The following KLHL7 variants were observed in gnomAD, a reference collection of about 807,000 sequenced individuals.
KLHL7 encodes kelch-like protein 7.
A neutral mutation model predicts 67.4 loss-of-function variants in KLHL7; 44 were observed. That is an observed-to-expected ratio of 0.65 (90% CI 0.51 to 0.84). The LOEUF is 0.84. KLHL7 is among the 40% of genes least tolerant of loss of function. KLHL7 has a pLI of 0.00. For missense variants in KLHL7, 362 were observed against 718.1 expected (o/e 0.50, Z 5.67); for synonymous variants, 252 against 243.3 (o/e 1.04, Z -0.33).
intron 7 of KLHL7, among the ~76,000 whole-genome samples, chr7:23,164,990 C>T (rs184194512): frequency 6.3e-4 from 96 of 152,306 alleles, no homozygotes; most frequent in African/African-American, 2.2e-3. Flanking sequence ...CATGGAAGGG[C>T]GGCACAAGCA....
intron 4 of KLHL7, among the ~76,000 whole-genome samples, chr7:23,138,609 C>T (rs577845832): frequency 1.3e-5 from 2 of 152,064 alleles, no homozygotes; most frequent in African/African-American, 4.8e-5. Flanking sequence ...CCAATCTCAG[C>T]TCACTGCAAC....
intron 7 of KLHL7, among the ~76,000 whole-genome samples, chr7:23,156,716 G>T (rs961491298): frequency 2.0e-5 from 3 of 152,178 alleles, no homozygotes; most frequent in Non-Finnish European, 4.4e-5. Flanking sequence ...AAACTATGTG[G>T]CACCCTATTC....
chr7:23,142,227 C>G (rs1283992450), intron 5 of KLHL7, among the ~76,000 whole-genome samples: 4 of 152,188 alleles, frequency 2.6e-5, no homozygotes, highest in Non-Finnish European at 5.9e-5. Flanking sequence ...CTCACTTAAT[C>G]TCTCTTTTCA....
At chr7:23,117,501 A>G (rs1783142932) in intron 1 of KLHL7, among the ~76,000 whole-genome samples, 1 of 152,182 alleles carries the variant, frequency 6.6e-6, no homozygotes, top group Non-Finnish European at 1.5e-5. Context: ...AAGGGCAATT[A>G]TGCCCAAGTC....
At chr7:23,139,189 T>G (rs1483019020) in intron 4 of KLHL7, among the ~76,000 whole-genome samples, 1 of 152,038 alleles carries the variant, frequency 6.6e-6, no homozygotes, top group Admixed American at 6.5e-5. Context: ...CTCTGTAATG[T>G]TTCTTCAGTT....
In KLHL7 at chr7:23,175,522, A is replaced by G. The variant is rs923777952; in HGVS notation, c.*1224A>G. ...TTTCAGTTTTCTTTATATAGAGGTT[A>G]TAATAGTCTTAAACCCTAAAAATGT... On this transcript the variant is annotated 3_prime_UTR_variant, in exon 11 of 11. Transcript: ENST00000339077. 3.7e-5 allele frequency: 13 copies of G among 349,698 alleles called. No homozygotes were observed. The Admixed American group carries it at 5.4e-4, about 14-fold the overall frequency. The allele number at this position is 349,698 out of a possible 1,614,324, so 21.7% of individuals were successfully genotyped here.
At chr7:23,117,691 A>G in intron 1 of KLHL7, 2 of 781,550 alleles carry the variant, frequency 2.6e-6, no homozygotes, top group South Asian at 3.8e-5. Context: ...TGCTTTTCTG[A>G]CAAATGTGAT....
intron 9 of KLHL7, chr7:23,171,214 G>C: frequency 3.1e-6 from 1 of 319,400 alleles, no homozygotes; most frequent in South Asian, 2.5e-5. Context: ...TTAAACTTCA[G>C]ATTGCAGATA....
intron 1 of KLHL7, chr7:23,106,570 A>T: frequency 1.9e-6 from 2 of 1,047,266 alleles, no homozygotes; most frequent in Non-Finnish European, 2.3e-6. Context: ...TGCTGGCCTG[A>T]CATCAGCTGC....
chr7:23,128,848 G>A (rs1783686347), intron 4 of KLHL7, among the ~76,000 whole-genome samples: 1 of 152,132 alleles, frequency 6.6e-6, no homozygotes, highest in Non-Finnish European at 1.5e-5. Context: ...ACCAAAGGTG[G>A]CCCTTTGTGT....
rs1328704821 is a variant in KLHL7 at position 23,106,298 on chromosome 7, A to G, written c.120+152A>G. On this transcript the variant is annotated intron_variant, in intron 1 of 10. Coordinates refer to ENST00000339077, the MANE Select transcript of KLHL7 (RefSeq NM_001031710.3). ...CGTTTTCGCAGGCGAGCGATTCCGC[A>G]GTTGGTAGAGGGGCGCGTAAAACAA... 8 of 1,512,616 alleles carry G rather than the reference A, an allele frequency of 5.3e-6. No individual in the cohort carries two copies. The East Asian group carries it at 2.0e-4, about 38-fold the overall frequency. The allele number at this position is 1,512,616 out of a possible 1,614,324, so 93.7% of individuals were successfully genotyped here. A position where few individuals can be genotyped will look rare whatever the true frequency, so the allele number is the denominator to read the frequency against.
rs138530777 is a variant in KLHL7, at chr7:23,170,071, G to A, written c.1379+2034G>A. 8.8e-3 allele frequency among the ~76,000 whole-genome samples: 1,332 copies of A among 152,094 alleles called. 4 individuals are homozygous for A. Among genetic ancestry groups the A allele is most frequent in the Non-Finnish European group, 0.015 (1,034 of 67,972 alleles). On this transcript the variant is annotated intron_variant, in intron 9 of 10. Coordinates refer to ENST00000339077, the MANE Select transcript of KLHL7 (RefSeq NM_001031710.3). ...CTAAAAATACCAAAAAAAATTAGCC[G>A]GGCGTGGTGGCGCGTGCCTGTAATC...
At chr7:23,125,830 T>C in intron 4 of KLHL7, 2 of 1,550,530 alleles carry the variant, frequency 1.3e-6, no homozygotes, top group East Asian at 4.9e-5. Flanking sequence ...TGATCCTTAG[T>C]GGCACATGAA....
At chr7:23,116,628 C>A (rs1379850169) in intron 1 of KLHL7, among the ~76,000 whole-genome samples, 1 of 152,182 alleles carries the variant, frequency 6.6e-6, no homozygotes, top group Non-Finnish European at 1.5e-5. Context: ...TCCTCTAATG[C>A]CTTTCCTACA....
intron 4 of KLHL7, among the ~76,000 whole-genome samples, chr7:23,136,553 CAG>C (rs1783982505): frequency 6.6e-6 from 1 of 152,138 alleles, no homozygotes; most frequent in Non-Finnish European, 1.5e-5. Context: ...TCAGAGAACA[CAG>C]ATTGTTTTCA....
intron 5 of KLHL7, among the ~76,000 whole-genome samples, chr7:23,142,908 AATTT>A (rs1159578892): frequency 6.6e-6 from 1 of 152,204 alleles, no homozygotes; most frequent in African/African-American, 2.4e-5. Flanking sequence ...AAAAATATGA[AATTT>A]AGTTAATGTG....
At chr7:23,173,340 A>G (rs1785220096) in intron 10 of KLHL7, among the ~76,000 whole-genome samples, 1 of 152,220 alleles carries the variant, frequency 6.6e-6, no homozygotes, top group Non-Finnish European at 1.5e-5. Flanking sequence ...CTATTGAGCA[A>G]TAGAAATATT....
chr7:23,151,827 G>T (rs2128466845), intron 6 of KLHL7, among the ~76,000 whole-genome samples: 1 of 152,126 alleles, frequency 6.6e-6, no homozygotes, highest in South Asian at 2.1e-4. Context: ...GTACATAGTA[G>T]TTGCTTACTG....
intron 4 of KLHL7, chr7:23,129,104 G>A (rs1783695624): frequency 6.5e-6 from 1 of 152,834 alleles, no homozygotes; most frequent in Non-Finnish European, 1.5e-5. Context: ...GACCTTGGCT[G>A]TGGATCAGGT....
Sources: allele counts gnomAD v4.1 joint callset (sites outside exome capture counted in the v4.1 genomes callset), GRCh38; gene constraint gnomAD v4.1.1; transcripts MANE v1.5; gene names NCBI Gene and HGNC (gene_info 2026-07-23, HGNC 2026-07-21).